The following DMRT1 variants were observed in gnomAD, a reference collection of about 807,000 sequenced individuals.
DMRT1 encodes the protein doublesex and mab-3 related transcription factor 1.
Under a neutral mutation model 32.3 loss-of-function variants are expected in DMRT1, and 7 were observed. The observed-to-expected ratio is 0.22, with a 90% CI of 0.12 to 0.41. The LOEUF (loss-of-function observed/expected upper bound fraction) is 0.41, where lower values mean the gene tolerates loss of function less well. Ranked by LOEUF, DMRT1 falls within the 10% of genes least tolerant of loss-of-function variation. The pLI is 1.00. For missense variants in DMRT1, 625 were observed against 500.5 expected (o/e 1.25, Z -2.37); for synonymous variants, 278 against 206.1 (o/e 1.35, Z -2.99).
At chr9:961,974 A>G (rs1213865506) in intron 4 of DMRT1, among the ~76,000 whole-genome samples, 2 of 152,200 alleles carry the variant, frequency 1.3e-5, no homozygotes, top group Admixed American at 6.5e-5. Flanking sequence ...TTAAAAGTCT[A>G]GGTCGTGTTT....
intron 2 of DMRT1, among the ~76,000 whole-genome samples, chr9:871,737 G>A (rs554917252): frequency 1.3e-4 from 19 of 151,334 alleles, no homozygotes; most frequent in Non-Finnish European, 2.6e-4. Flanking sequence ...GCCTCCCAAA[G>A]TGCTGGGATT....
intron 2 of DMRT1, among the ~76,000 whole-genome samples, chr9:852,645 G>A (rs751799258): frequency 2.0e-5 from 3 of 152,288 alleles, no homozygotes; most frequent in South Asian, 4.1e-4. Context: ...TTCTGCATGT[G>A]TGTCCTTTGT....
At chr9:895,874 G>T (rs934007458) in intron 3 of DMRT1, among the ~76,000 whole-genome samples, 1 of 147,316 alleles carries the variant, frequency 6.8e-6, no homozygotes, top group Non-Finnish European at 1.5e-5. Context: ...GCGCGATCTC[G>T]GCTCACTGCA....
At chr9:905,605 T>C (rs1372896276) in intron 3 of DMRT1, among the ~76,000 whole-genome samples, 1 of 152,066 alleles carries the variant, frequency 6.6e-6, no homozygotes, top group Non-Finnish European at 1.5e-5. Context: ...GTCATTTGTT[T>C]GCAAACCCCG....
intron 2 of DMRT1, among the ~76,000 whole-genome samples, chr9:863,434 C>T (rs553152315): frequency 3.3e-5 from 5 of 152,068 alleles, no homozygotes; most frequent in African/African-American, 1.2e-4. Flanking sequence ...GAGACTTGAC[C>T]TGCTATTGCT....
intron 2 of DMRT1, among the ~76,000 whole-genome samples, chr9:877,440 C>G (rs867015786): frequency 2.6e-5 from 4 of 152,280 alleles, no homozygotes; most frequent in South Asian, 2.1e-4. Context: ...GGCCAGCAAC[C>G]CTGTTTGCAC....
chr9:885,747 G>A (rs950570563), intron 2 of DMRT1, among the ~76,000 whole-genome samples: 2 of 152,078 alleles, frequency 1.3e-5, no homozygotes, highest in Non-Finnish European at 2.9e-5. Context: ...TAGTCCATGG[G>A]CACAGGCTTC....
intron 3 of DMRT1, among the ~76,000 whole-genome samples, chr9:911,470 AT>A (rs201141931): frequency 4.5e-5 from 3 of 66,998 alleles, no homozygotes; most frequent in Non-Finnish European, 3.9e-5. Context: ...GGTTAATTGC[AT>A]TTTTTTTTTT....
At chr9:949,707 G>A (rs1393789633) in intron 4 of DMRT1, among the ~76,000 whole-genome samples, 1 of 152,148 alleles carries the variant, frequency 6.6e-6, no homozygotes, top group East Asian at 1.9e-4. Context: ...TACCCTTTAA[G>A]CACTTCCCTG....
At chr9:890,085 GTTTTTTT>G (rs35228255) in intron 2 of DMRT1, among the ~76,000 whole-genome samples, 4 of 103,002 alleles carry the variant, frequency 3.9e-5, no homozygotes, top group African/African-American at 1.5e-4. Context: ...CACCAAACGT[GTTTTTTT>G]TTTTTTTTTT....
At chr9:870,928 G>C (rs7858889) in intron 2 of DMRT1, among the ~76,000 whole-genome samples, 1 of 151,072 alleles carries the variant, frequency 6.6e-6, no homozygotes, top group Non-Finnish European at 1.5e-5. Flanking sequence ...TGCCCAGGCT[G>C]GTTTTAAACT....
At position 884,734 on chromosome 9, in the gene DMRT1, G is replaced by A. The variant is rs183970430; in HGVS notation, c.539-9178G>A. Among the ~76,000 whole-genome samples the A allele has an allele frequency of 4.0e-3, 606 of 152,290 alleles. 3 individuals are homozygous for A. The highest frequency in any genetic ancestry group is 0.014 in the African/African-American group (589 of 41,556). ...GCCTGTAATCCCAGCACTTTGGGAG[G>A]CCGAGGCAGGCAGATATTTGAGGTC... On this transcript the variant is annotated intron_variant, in intron 2 of 4. Transcript: ENST00000382276.
chr9:918,976 T>C (rs935011587), intron 4 of DMRT1, among the ~76,000 whole-genome samples: 2 of 152,162 alleles, frequency 1.3e-5, no homozygotes, highest in African/African-American at 2.4e-5. Context: ...TTTATCAGCA[T>C]TGACACAGTG....
chr9:919,863 G>A (rs1818300303), intron 4 of DMRT1, among the ~76,000 whole-genome samples: 1 of 152,184 alleles, frequency 6.6e-6, no homozygotes, highest in African/African-American at 2.4e-5. Flanking sequence ...GAACCAACAA[G>A]ATTTGCTGTT....
At chr9:930,795 C>G (rs910245242) in intron 4 of DMRT1, among the ~76,000 whole-genome samples, 5 of 152,118 alleles carry the variant, frequency 3.3e-5, no homozygotes, top group African/African-American at 9.7e-5. Context: ...CTGTTTCAGC[C>G]TCCAAAAGCA....
intron 2 of DMRT1, among the ~76,000 whole-genome samples, chr9:869,722 C>T (rs7858689): frequency 0.7 from 107,167 of 152,014 alleles, 38,139 homozygotes; most frequent in Non-Finnish European, 0.77. Context: ...TTTCAATCCC[C>T]GAGAATTTAA....
rs566049614 is a variant in DMRT1 at position 910,140 on chromosome 9, G to C, written c.823-6623G>C. Among the ~76,000 whole-genome samples, 3 of 152,232 alleles carry C rather than the reference G, an allele frequency of 2.0e-5. No homozygotes were observed. The South Asian group carries it at 6.2e-4, about 32-fold the overall frequency. On this transcript the variant is annotated intron_variant, in intron 3 of 4. Coordinates refer to ENST00000382276, the MANE Select transcript of DMRT1 (RefSeq NM_021951.3). The stretch of plus-strand genomic sequence containing the variant: ...ATTACTTAGAGCCTCCAGTGAAGCT[G>C]AATGAAGCTCTAGAGAGATACGAAC...
chr9:927,811 G>T (rs934168228), intron 4 of DMRT1, among the ~76,000 whole-genome samples: 1 of 152,176 alleles, frequency 6.6e-6, no homozygotes, highest in Non-Finnish European at 1.5e-5. Context: ...TTTCAGTTTA[G>T]AAGCAGCTTT....
intron 4 of DMRT1, among the ~76,000 whole-genome samples, chr9:953,761 C>G (rs1564274080): frequency 6.6e-6 from 1 of 152,212 alleles, no homozygotes; most frequent in Non-Finnish European, 1.5e-5. Flanking sequence ...CACGATTGGT[C>G]TAGGAAACAG....
Sources: gnomAD v4.1 joint callset for allele counts (sites outside exome capture counted in the v4.1 genomes callset) on GRCh38, gnomAD v4.1.1 for gene constraint, MANE v1.5 for transcripts, NCBI Gene and HGNC (gene_info 2026-07-23, HGNC 2026-07-21) for gene names.